The following CACNA1A variants were observed in gnomAD, a reference collection of about 807,000 sequenced individuals.
The protein encoded by CACNA1A is calcium voltage-gated channel subunit alpha1 A.
In CACNA1A, 57 loss-of-function variants were observed where a neutral mutation model predicts 262.4. That is an observed-to-expected ratio of 0.22 (90% CI 0.18 to 0.27). The LOEUF (loss-of-function observed/expected upper bound fraction) is 0.27, where lower values mean the gene tolerates loss of function less well. Ranked by LOEUF, CACNA1A falls within the 10% of genes least tolerant of loss-of-function variation. The pLI, the probability that CACNA1A is intolerant of heterozygous loss-of-function variation, is 1.00. For missense variants in CACNA1A, 2,526 were observed against 3,562.8 expected (o/e 0.71, Z 7.41); for synonymous variants, 1,431 against 1,419.3 (o/e 1.01, Z -0.18).
chr19:13,430,616 A>G (rs576589171), intron 3 of CACNA1A, among the ~76,000 whole-genome samples: 2 of 152,314 alleles, frequency 1.3e-5, no homozygotes, highest in East Asian at 3.9e-4. Context: ...CACAATTCAT[A>G]TTACAAATTA....
At chr19:13,240,718 G>A (rs2056053107) in intron 31 of CACNA1A, among the ~76,000 whole-genome samples, 1 of 144,942 alleles carries the variant, frequency 6.9e-6, no homozygotes, top group Non-Finnish European at 1.5e-5. Flanking sequence ...TAGTGACTGT[G>A]TGCAGTGACT....
intron 1 of CACNA1A, among the ~76,000 whole-genome samples, chr19:13,496,445 G>A: frequency 6.6e-6 from 1 of 152,158 alleles, no homozygotes; most frequent in East Asian, 1.9e-4. Flanking sequence ...GGAGAGTCTG[G>A]CAATGGGGCA....
Position 13,248,897 on chromosome 19 carries a change from C to CA in CACNA1A, c.4867-3633dup, listed in dbSNP as rs1346769449. Among the ~76,000 whole-genome samples, 10 of 151,832 alleles carry CA rather than the reference C, an allele frequency of 6.6e-5. No individual in the cohort carries two copies. In the East Asian group the frequency reaches 1.7e-3, roughly 26 times the overall value. ...ATTCAGTGATTCCCTCCCACCTCACCAAACCAAATGAATCAGAACATCTAG... is the reference window on the plus strand; with the variant it reads ...ATTCAGTGATTCCCTCCCACCTCACCAAAACCAAATGAATCAGAACATCTAG... On this transcript the variant is annotated intron_variant, in intron 30 of 46. Transcript: ENST00000360228.
chr19:13,365,483 G>C lies in CACNA1A; in HGVS notation c.632-14C>G. The stretch of plus-strand genomic sequence containing the variant: ...CGACTTGTAAACCTGGGGGGACACA[G>C]AGAGAGGCCCCATAAGCCCATGAGC... On this transcript the variant is annotated splice_polypyrimidine_tract_variant and intron_variant, in intron 4 of 46. Coordinates refer to ENST00000360228, the MANE Select transcript of CACNA1A (RefSeq NM_001127222.2). The C allele has an allele frequency of 6.2e-7, 1 of 1,612,380 alleles. No individual in the cohort carries two copies. Among genetic ancestry groups the C allele is most frequent in the Non-Finnish European group, 8.5e-7 (1 of 1,178,850 alleles).
chr19:13,224,698 G>T lies in CACNA1A; in HGVS notation c.5700C>A (p.Ile1900=). The T allele has an allele frequency of 6.2e-7, 1 of 1,612,674 alleles. No homozygotes were observed. Among genetic ancestry groups the T allele is most frequent in the Non-Finnish European group, 8.5e-7 (1 of 1,179,246 alleles). The change falls in exon 38 of 47, where the codon ATC becomes ATA. Residue 1900 remains isoleucine (I), a synonymous_variant. Transcript: ENST00000360228. The part of the protein sequence containing the change: ...VHFNSTLMAL[I]RTALDIKIAK... The stretch of plus-strand genomic sequence containing the variant: ...CAATCTTGATGTCCAGGGCTGTGCG[G>T]ATCAGAGCCATGAGGGTGGAATTGA...
intron 3 of CACNA1A, among the ~76,000 whole-genome samples, chr19:13,445,692 C>T (rs1568652713): frequency 6.6e-6 from 1 of 152,184 alleles, no homozygotes; most frequent in Non-Finnish European, 1.5e-5. Flanking sequence ...GAACTGTCAT[C>T]TCAGACATAC....
chr19:13,442,349 A>T (rs1005659331), intron 3 of CACNA1A, among the ~76,000 whole-genome samples: 1 of 152,152 alleles, frequency 6.6e-6, no homozygotes, highest in African/African-American at 2.4e-5. Flanking sequence ...CAGGGTATTT[A>T]TACACTGACT....
intron 3 of CACNA1A, among the ~76,000 whole-genome samples, chr19:13,387,951 G>A (rs1371834681): frequency 6.6e-6 from 1 of 152,176 alleles, no homozygotes; most frequent in East Asian, 1.9e-4. Context: ...AATGTGAATA[G>A]GCAGATTAGG....
Position 13,393,660 on chromosome 19 carries a change from CTCT to C in CACNA1A, c.540-21884_540-21882del, listed in dbSNP as rs199564373. Among the ~76,000 whole-genome samples, 47 of 147,234 alleles carry C rather than the reference CTCT, an allele frequency of 3.2e-4. No homozygotes were observed. In the East Asian group the frequency reaches 6.8e-3, roughly 21 times the overall value. Reference sequence around the variant, plus strand: ...GCTTTCTCTTTCTTTCTCTGTCTTCCTCTTTTCTTTCTTTCTCTTTCTTTCCTT... The same window carrying C: ...GCTTTCTCTTTCTTTCTCTGTCTTCCTTTCTTTCTTTCTCTTTCTTTCCTT... On this transcript the variant is annotated intron_variant, in intron 3 of 46. Coordinates refer to ENST00000360228, the MANE Select transcript of CACNA1A (RefSeq NM_001127222.2).
chr19:13,223,976 G>A (rs1231517600), intron 38 of CACNA1A, among the ~76,000 whole-genome samples: 1 of 152,018 alleles, frequency 6.6e-6, no homozygotes, highest in Non-Finnish European at 1.5e-5. Flanking sequence ...GACCAGCCTG[G>A]GCAACCTGAT....
chr19:13,429,668 C>T (rs2060470039), intron 3 of CACNA1A, among the ~76,000 whole-genome samples: 1 of 151,442 alleles, frequency 6.6e-6, no homozygotes, highest in South Asian at 2.1e-4. Flanking sequence ...GCTATTTGTA[C>T]ACACAGGTTT....
intron 1 of CACNA1A, among the ~76,000 whole-genome samples, chr19:13,500,232 T>C (rs1477856619): frequency 1.3e-5 from 2 of 152,246 alleles, no homozygotes; most frequent in Admixed American, 1.3e-4. Context: ...TTTTCTCATT[T>C]GCTCAGCAAA....
chr19:13,315,396 C>T (rs2058108116), intron 11 of CACNA1A: 1 of 151,976 alleles, frequency 6.6e-6, no homozygotes, highest in South Asian at 2.1e-4. Context: ...TCTACTTAAC[C>T]TCTCTGTGTC....
chr19:13,319,631 C>T (rs2058205975), intron 10 of CACNA1A, among the ~76,000 whole-genome samples: 1 of 152,172 alleles, frequency 6.6e-6, no homozygotes. Context: ...GCCATACCGA[C>T]TCATACTGGG....
At chr19:13,455,064 T>C (rs1175320583) in intron 2 of CACNA1A, 43 bp downstream of exon 2, 3 of 1,250,640 alleles carry the variant, frequency 2.4e-6, no homozygotes, top group Non-Finnish European at 3.5e-6. Context: ...ATTAATGTCC[T>C]GCTAAAGCCA....
At chr19:13,440,360 C>T (rs376979735) in intron 3 of CACNA1A, among the ~76,000 whole-genome samples, 1 of 152,110 alleles carries the variant, frequency 6.6e-6, no homozygotes. Flanking sequence ...ATCCCATAGA[C>T]CAGCAGTACT....
chr19:13,221,530 G>A (rs111588648), intron 38 of CACNA1A, among the ~76,000 whole-genome samples: 9 of 151,774 alleles, frequency 5.9e-5, no homozygotes, highest in African/African-American at 1.5e-4. Context: ...TCAGGTCCCC[G>A]TTTCTTCTGG....
In CACNA1A at chr19:13,212,578, G is replaced by A. The variant is rs1343639815; in HGVS notation, c.6050+53C>T. The A allele has an allele frequency of 6.6e-6, 10 of 1,516,684 alleles. No homozygotes were observed. The highest frequency in any genetic ancestry group is 1.3e-5 in the South Asian group (1 of 78,050). 94.0% of individuals were successfully genotyped at this position (1,516,684 alleles called of 1,614,324 possible). On this transcript the variant is annotated intron_variant, in intron 41 of 46. Transcript: ENST00000360228. The surrounding 1 kb of genome is among the most constrained non-coding windows in gnomAD (Gnocchi z 5.6). The stretch of plus-strand genomic sequence containing the variant: ...TGGGCGCTTGGGCAGCTTCCAGAAC[G>A]TGGGGACCACGGCACCCCCACACTC...
chr19:13,500,661 C>A (rs577028834), intron 1 of CACNA1A, among the ~76,000 whole-genome samples: 1 of 152,292 alleles, frequency 6.6e-6, no homozygotes, highest in African/African-American at 2.4e-5. Flanking sequence ...ACCTACCACA[C>A]AACTCAGCAA....
Sources: allele counts gnomAD v4.1 joint callset (sites outside exome capture counted in the v4.1 genomes callset), GRCh38; gene constraint gnomAD v4.1.1; non-coding constraint Gnocchi (gnomAD v3.1); transcripts MANE v1.5; gene names NCBI Gene and HGNC (gene_info 2026-07-23, HGNC 2026-07-21).